Variants in ADAMTS18 observed in about 807,000 individuals in gnomAD.
ADAMTS18 encodes A disintegrin and metalloproteinase with thrombospondin motifs 18.
A neutral mutation model predicts 165.9 loss-of-function variants in ADAMTS18; 157 were observed. That is an observed-to-expected ratio of 0.95 (90% CI 0.83 to 1.08). The LOEUF (loss-of-function observed/expected upper bound fraction) is 1.08, where lower values mean the gene tolerates loss of function less well. Among genes scored for constraint, ADAMTS18 ranks in the 50% least tolerant of loss-of-function variants. ADAMTS18 has a pLI of 0.00. For synonymous variants in ADAMTS18, 782 were observed against 578.2 expected (o/e 1.35, Z -5.06); for missense variants, 2,040 against 1,534.0 (o/e 1.33, Z -5.51).
Position 77,353,838 on chromosome 16 carries a change from C to T in ADAMTS18, c.1509G>A (p.Gln503=), listed in dbSNP as rs769519355. ...CLVDEPKQAG[Q]YKYPDKLPGQ... ...CTGGTAGTTTGTCCGGATATTTATA[C>T]TGTCCTGCTTGCTTGGGCTCATCCA... Residue 503 remains glutamine (Q), a synonymous_variant, in exon 10 of 23, where the codon CAG becomes CAA. Transcript: ENST00000282849. 2 of 1,614,014 alleles carry T rather than the reference C, an allele frequency of 1.2e-6. No individual in the cohort carries two copies. Among genetic ancestry groups the T allele is most frequent in the Non-Finnish European group, 1.7e-6 (2 of 1,180,034 alleles).
At chr16:77,420,913 T>C (rs1049280719) in intron 3 of ADAMTS18, among the ~76,000 whole-genome samples, 6 of 152,146 alleles carry the variant, frequency 3.9e-5, no homozygotes, top group African/African-American at 1.2e-4. Context: ...AATTGTAAAA[T>C]CACAGGGTGA....
intron 3 of ADAMTS18, among the ~76,000 whole-genome samples, chr16:77,387,260 G>A (rs1393199029): frequency 6.6e-6 from 1 of 152,208 alleles, no homozygotes. Flanking sequence ...GTGGCAGGAA[G>A]AAAAGTGGCT....
At chr16:77,295,999 A>G (rs1385965374) in intron 18 of ADAMTS18, among the ~76,000 whole-genome samples, 3 of 118,484 alleles carry the variant, frequency 2.5e-5, no homozygotes, top group African/African-American at 7.9e-5. Flanking sequence ...ATTTACAAGA[A>G]AAAAAAAAGT....
At chr16:77,422,982 CAA>C (rs2057623200) in intron 3 of ADAMTS18, among the ~76,000 whole-genome samples, 1 of 152,192 alleles carries the variant, frequency 6.6e-6, no homozygotes, top group East Asian at 1.9e-4. Context: ...ACCTTGAGGA[CAA>C]TGACTCTGAG....
In ADAMTS18 at chr16:77,301,233, A is replaced by AC. The variant is rs536778151; in HGVS notation, c.2533-830dup. ...GCAGCCATTCTTAATGCATCATAAA[A>AC]CATTCTTCTAACAACTCTATAATGT... On this transcript the variant is annotated intron_variant, in intron 16 of 22. Transcript: ENST00000282849. Among the ~76,000 whole-genome samples, 310 of 152,130 alleles carry AC rather than the reference A, an allele frequency of 2.0e-3. 1 individual carries two copies. Among genetic ancestry groups the AC allele is most frequent in the African/African-American group, 6.4e-3 (264 of 41,520 alleles).
chr16:77,303,219 A>C (rs1456509776), intron 16 of ADAMTS18, among the ~76,000 whole-genome samples: 1 of 151,984 alleles, frequency 6.6e-6, no homozygotes, highest in Non-Finnish European at 1.5e-5. Flanking sequence ...CTTGAAATGC[A>C]CTCGTGTGGT....
intron 12 of ADAMTS18, among the ~76,000 whole-genome samples, chr16:77,329,082 T>C (rs1057065840): frequency 2.0e-5 from 3 of 152,022 alleles, no homozygotes; most frequent in Non-Finnish European, 4.4e-5. Flanking sequence ...GAGCTGGCCT[T>C]TTACAATGAG....
intron 12 of ADAMTS18, among the ~76,000 whole-genome samples, chr16:77,330,572 C>A (rs143236051): frequency 6.6e-5 from 10 of 152,232 alleles, no homozygotes; most frequent in South Asian, 2.1e-4. Flanking sequence ...AGAACAAATG[C>A]CTGAAGAAGG....
At chr16:77,385,227 A>C (rs1440888484) in intron 3 of ADAMTS18, among the ~76,000 whole-genome samples, 1 of 152,178 alleles carries the variant, frequency 6.6e-6, no homozygotes, top group Non-Finnish European at 1.5e-5. Context: ...ATATTTTGAT[A>C]TAAGATTAGT....
chr16:77,374,036 T>A (rs956251198), intron 3 of ADAMTS18, among the ~76,000 whole-genome samples: 1 of 152,004 alleles, frequency 6.6e-6, no homozygotes, highest in African/African-American at 2.4e-5. Flanking sequence ...CTAGCCAACA[T>A]GGTGAAACCT....
chr16:77,346,710 T>G (rs2144698662), intron 10 of ADAMTS18, among the ~76,000 whole-genome samples: 1 of 152,344 alleles, frequency 6.6e-6, no homozygotes, highest in South Asian at 2.1e-4. Flanking sequence ...TGCCTGAGTT[T>G]ATTGCCCAAG....
At chr16:77,322,713 A>C (rs906704048) in intron 13 of ADAMTS18, among the ~76,000 whole-genome samples, 5 of 152,138 alleles carry the variant, frequency 3.3e-5, no homozygotes, top group Admixed American at 3.3e-4. Context: ...AGGGATAGTC[A>C]CCATACACAT....
chr16:77,395,574 C>T (rs1567538329), intron 3 of ADAMTS18, among the ~76,000 whole-genome samples: 1 of 152,300 alleles, frequency 6.6e-6, no homozygotes, highest in African/African-American at 2.4e-5. Flanking sequence ...TAGCACTATG[C>T]TCCTTTCTTT....
chr16:77,290,969 A>G lies in ADAMTS18; in HGVS notation c.3402+297T>C, dbSNP rs556451119. 2.4e-4 allele frequency: 110 copies of G among 457,292 alleles called. No homozygotes were observed. The East Asian group carries it at 4.5e-3, about 19-fold the overall frequency. The allele number at this position is 457,292 out of a possible 1,614,324, so 28.3% of individuals were successfully genotyped here. ...GAGTGGTAGTTTCCGTAGCAACAGC[A>G]ATGACCAACATTAGCAGTGTATAAC... On this transcript the variant is annotated intron_variant, in intron 21 of 22. Coordinates refer to ENST00000282849, the MANE Select transcript of ADAMTS18 (RefSeq NM_199355.4).
chr16:77,303,995 C>A lies in ADAMTS18; in HGVS notation c.2533-3591G>T, dbSNP rs143340420. On this transcript the variant is annotated intron_variant, in intron 16 of 22. Transcript: ENST00000282849. ...CAGTGAGCCGAGATCACGCAACTGCCCTCCAGCCTGGGCGACAGAGCAACA... is the reference window on the plus strand; with the variant it reads ...CAGTGAGCCGAGATCACGCAACTGCACTCCAGCCTGGGCGACAGAGCAACA... 8.6e-5 allele frequency among the ~76,000 whole-genome samples: 13 copies of A among 152,038 alleles called. 1 individual carries two copies. The highest frequency in any genetic ancestry group is 3.1e-4 in the African/African-American group (13 of 41,394).
At chr16:77,302,448 C>T (rs188738983) in intron 16 of ADAMTS18, among the ~76,000 whole-genome samples, 8 of 152,106 alleles carry the variant, frequency 5.3e-5, no homozygotes, top group Non-Finnish European at 7.3e-5. Context: ...ATAAGAGTTA[C>T]AGTGCGCTAA....
intron 3 of ADAMTS18, among the ~76,000 whole-genome samples, chr16:77,426,445 A>G (rs1246546264): frequency 6.6e-6 from 1 of 152,210 alleles, no homozygotes; most frequent in Non-Finnish European, 1.5e-5. Context: ...ACTTGTCAAT[A>G]TGCTAATATG....
chr16:77,420,903 A>T (rs900317230), intron 3 of ADAMTS18, among the ~76,000 whole-genome samples: 1 of 152,194 alleles, frequency 6.6e-6, no homozygotes. Flanking sequence ...GGAGATGAGG[A>T]ATTGTAAAAT....
intron 10 of ADAMTS18, among the ~76,000 whole-genome samples, chr16:77,351,395 G>A (rs563823214): frequency 2.0e-5 from 3 of 152,090 alleles, no homozygotes; most frequent in African/African-American, 7.2e-5. Flanking sequence ...TAAAAATATA[G>A]TGAGGTCCCA....
Sources: gnomAD v4.1 joint callset for allele counts (sites outside exome capture counted in the v4.1 genomes callset) on GRCh38, gnomAD v4.1.1 for gene constraint, MANE v1.5 for transcripts, NCBI Gene and HGNC (gene_info 2026-07-23, HGNC 2026-07-21) for gene names.